The following CDH4 variants were observed in gnomAD, a reference collection of about 807,000 sequenced individuals.
The protein encoded by CDH4 is cadherin 4, also known as cadherin-4.
Under a neutral mutation model 86.0 loss-of-function variants are expected in CDH4, and 33 were observed. That is an observed-to-expected ratio of 0.38 (90% confidence interval 0.29 to 0.51). The LOEUF (loss-of-function observed/expected upper bound fraction) is 0.51. CDH4 is among the 20% of genes least tolerant of loss of function. The pLI, the probability that CDH4 is intolerant of heterozygous loss-of-function variation, is 0.86. For synonymous variants in CDH4, 555 were observed against 549.4 expected (o/e 1.01, Z -0.14); for missense variants, 1,114 against 1,307.4 (o/e 0.85, Z 2.28).
chr20:61,345,931 A>C (rs2084677037), intron 2 of CDH4, among the ~76,000 whole-genome samples: 1 of 152,198 alleles, frequency 6.6e-6, no homozygotes, highest in Admixed American at 6.5e-5. Flanking sequence ...TTTGCTGAGC[A>C]CCTGCTGTGG....
chr20:61,437,700 G>A (rs2085292270), intron 2 of CDH4, among the ~76,000 whole-genome samples: 1 of 152,168 alleles, frequency 6.6e-6, no homozygotes, highest in Admixed American at 6.5e-5. Context: ...CTTCTCTCAT[G>A]GAATCTGGGT....
intron 2 of CDH4, among the ~76,000 whole-genome samples, chr20:61,345,486 A>G (rs1278363780): frequency 6.6e-6 from 1 of 152,268 alleles, no homozygotes; most frequent in Non-Finnish European, 1.5e-5. Flanking sequence ...AGTATGGGGT[A>G]AAAGAAGTCC....
chr20:61,854,907 T>C (rs1247577243), intron 6 of CDH4, among the ~76,000 whole-genome samples: 2 of 137,318 alleles, frequency 1.5e-5, no homozygotes, highest in African/African-American at 5.5e-5. Flanking sequence ...ACAGGGTGAA[T>C]TGCGCCTTTG....
At chr20:61,620,186 G>GTGGATGGATGGATGGATGGATGGACGGA (rs1237568321) in intron 2 of CDH4, among the ~76,000 whole-genome samples, 3 of 138,440 alleles carry the variant, frequency 2.2e-5, no homozygotes, top group African/African-American at 8.3e-5. Flanking sequence ...GGGTGGGTGG[G>GTGGATGGATGGATGGATGGATGGACGGA]TGGATGGATG....
chr20:61,640,140 A>G (rs2086989681), intron 2 of CDH4, among the ~76,000 whole-genome samples: 1 of 152,228 alleles, frequency 6.6e-6, no homozygotes, highest in African/African-American at 2.4e-5. Context: ...GAAAATAGCA[A>G]GATCTCTCTA....
rs1195428186 is a variant in CDH4 at position 61,565,086 on chromosome 20, G to GTGGTGGTGGTGGTGGTGGTGGTGGTGC, written c.170-178475_170-178474insGTGGTGGTGGTGGTGGTGGTGGTGCTG. On this transcript the variant is annotated intron_variant, in intron 2 of 15. Coordinates refer to ENST00000614565, the MANE Select transcript of CDH4 (RefSeq NM_001794.5). ...CTTGGTGGTGGTGGTGGTGGTGGTG[G>GTGGTGGTGGTGGTGGTGGTGGTGGTGC]TGCTCTTGGTGGTGCTCTTGGTGGT... Among the ~76,000 whole-genome samples the GTGGTGGTGGTGGTGGTGGTGGTGGTGC allele has an allele frequency of 3.5e-3, 375 of 108,624 alleles. 15 individuals are homozygous for GTGGTGGTGGTGGTGGTGGTGGTGGTGC. In the East Asian group the frequency reaches 0.039, roughly 11 times the overall value. 71.3% of individuals were successfully genotyped at this position (108,624 alleles called of 152,430 possible).
chr20:61,314,085 A>T (rs2084462918), intron 2 of CDH4, among the ~76,000 whole-genome samples: 1 of 152,210 alleles, frequency 6.6e-6, no homozygotes, highest in African/African-American at 2.4e-5. Flanking sequence ...AAGTCAGTTC[A>T]CATCTCCATC....
chr20:61,902,709 G>A lies in CDH4; in HGVS notation c.1188+7662G>A, dbSNP rs1280785371. On this transcript the variant is annotated intron_variant, in intron 8 of 15. Coordinates refer to ENST00000614565, the MANE Select transcript of CDH4 (RefSeq NM_001794.5). The surrounding 1 kb of genome is among the most constrained non-coding windows in gnomAD (Gnocchi z 4.6). ...CAAAAACAAAAAGATTCAGGCCACA[G>A]GCTTGTTGTCGAGCCCTGACTTCAC... is the stretch of plus-strand genomic sequence containing the variant. 1.3e-5 allele frequency among the ~76,000 whole-genome samples: 2 copies of A among 152,258 alleles called. No homozygotes were observed. The highest frequency in any genetic ancestry group is 4.8e-5 in the African/African-American group (2 of 41,472).
At chr20:61,908,671 G>A (rs998646599) in intron 8 of CDH4, among the ~76,000 whole-genome samples, 7 of 152,160 alleles carry the variant, frequency 4.6e-5, no homozygotes, top group Admixed American at 1.3e-4. Context: ...TGTGGTGGCC[G>A]TGGGACATCG....
chr20:61,802,829 G>A (rs913897123), intron 4 of CDH4, among the ~76,000 whole-genome samples: 2 of 152,322 alleles, frequency 1.3e-5, no homozygotes, highest in East Asian at 1.9e-4. Flanking sequence ...GGCCACCGCC[G>A]TCCACAGAGG....
intron 2 of CDH4, among the ~76,000 whole-genome samples, chr20:61,399,059 T>C (rs2085034572): frequency 6.6e-6 from 1 of 152,132 alleles, no homozygotes; most frequent in East Asian, 1.9e-4. Flanking sequence ...TTATACTAAG[T>C]CCTTAAAGCC....
chr20:61,844,273 C>G (rs1982323091), intron 4 of CDH4, among the ~76,000 whole-genome samples: 1 of 152,196 alleles, frequency 6.6e-6, no homozygotes, highest in South Asian at 2.1e-4. Context: ...GACACACATG[C>G]ATTGGGTCCT....
In CDH4 at chr20:61,544,495, C is replaced by T. The variant is rs1016478633; in HGVS notation, c.170-199068C>T. ...GCATCGGGGTCTTCGAAGGAAAGCC[C>T]GTGGATTATGCATCCAGGAATTAAA... On this transcript the variant is annotated intron_variant, in intron 2 of 15. Coordinates refer to ENST00000614565, the MANE Select transcript of CDH4 (RefSeq NM_001794.5). The surrounding 1 kb of genome is among the most constrained non-coding windows in gnomAD (Gnocchi z 6.5). 5.9e-5 allele frequency among the ~76,000 whole-genome samples: 9 copies of T among 151,804 alleles called. No homozygotes were observed. Among genetic ancestry groups the T allele is most frequent in the South Asian group, 2.1e-4 (1 of 4,810 alleles).
intron 2 of CDH4, among the ~76,000 whole-genome samples, chr20:61,331,637 AC>A (rs2084577315): frequency 7.5e-4 from 5 of 6,646 alleles, no homozygotes; most frequent in Non-Finnish European, 1.2e-3. Context: ...CCTGCCCCAG[AC>A]CCACCTCCCG....
At chr20:61,540,633 A>C (rs2086033203) in intron 2 of CDH4, among the ~76,000 whole-genome samples, 2 of 152,136 alleles carry the variant, frequency 1.3e-5, no homozygotes, top group South Asian at 2.1e-4. Flanking sequence ...AGATCTTATA[A>C]AGCCACATGA....
intron 2 of CDH4, among the ~76,000 whole-genome samples, chr20:61,380,812 G>C (rs1744980586): frequency 6.6e-6 from 1 of 152,184 alleles, no homozygotes; most frequent in South Asian, 2.1e-4. Context: ...TGAAAGGTTT[G>C]AGGTTCTACA....
intron 11 of CDH4, among the ~76,000 whole-genome samples, chr20:61,927,155 G>A (rs370771963): frequency 6.6e-6 from 1 of 152,220 alleles, no homozygotes; most frequent in Non-Finnish European, 1.5e-5. Context: ...TTTTTACATG[G>A]TTCGCCTGCC....
intron 2 of CDH4, among the ~76,000 whole-genome samples, chr20:61,650,715 A>G (rs758151264): frequency 6.6e-5 from 10 of 152,242 alleles, no homozygotes; most frequent in Non-Finnish European, 1.2e-4. Flanking sequence ...TAAAAGGTTT[A>G]TTTCCATACT....
intron 9 of CDH4, among the ~76,000 whole-genome samples, chr20:61,923,044 G>A (rs1043347872): frequency 3.3e-5 from 5 of 152,182 alleles, no homozygotes; most frequent in African/African-American, 9.7e-5. Flanking sequence ...CTGACCCTCC[G>A]CAACTGGTGA....
Sources: gnomAD v4.1 joint callset for allele counts (sites outside exome capture counted in the v4.1 genomes callset) on GRCh38, gnomAD v4.1.1 for gene constraint, Gnocchi (gnomAD v3.1) non-coding constraint, MANE v1.5 for transcripts, NCBI Gene and HGNC (gene_info 2026-07-23, HGNC 2026-07-21) for gene names.